GART: variants seen among roughly 807,000 people sequenced by gnomAD.
The protein encoded by GART is phosphoribosylglycinamide formyltransferase, phosphoribosylglycinamide synthetase, phosphoribosylaminoimidazole synthetase.
A neutral mutation model predicts 107.2 loss-of-function variants in GART; 43 were observed. That is an observed-to-expected ratio of 0.40 (90% CI 0.31 to 0.52). The LOEUF is 0.52. GART is among the 20% of genes least tolerant of loss of function. The pLI is 0.52. For missense variants in GART, 1,107 were observed against 1,206.5 expected, an observed-to-expected ratio of 0.92 and a Z score of 1.22; for synonymous variants, 434 against 427.0, an observed-to-expected ratio of 1.02 and a Z score of -0.20.
chr21:33,540,952 A>AG (rs1400019106), intron 1 of GART, among the ~76,000 whole-genome samples: 2 of 151,984 alleles, frequency 1.3e-5, no homozygotes, highest in Non-Finnish European at 2.9e-5. Flanking sequence ...CACAGGTAAG[A>AG]GGGGGTGGAG....
intron 10 of GART, 83 bp from the exon 11 acceptor site, chr21:33,525,083 T>C: frequency 6.9e-7 from 1 of 1,456,712 alleles, no homozygotes; most frequent in Non-Finnish European, 9.0e-7. Context: ...TCCACAAGTT[T>C]CTTTTTTTTT....
At chr21:33,514,795 C>T (rs2084847193) in intron 16 of GART, among the ~76,000 whole-genome samples, 1 of 152,202 alleles carries the variant, frequency 6.6e-6, no homozygotes, top group Non-Finnish European at 1.5e-5. Context: ...GAGACTCCCA[C>T]TCAGCCTAGC....
intron 9 of GART, 33 bp downstream of exon 9, chr21:33,528,486 T>C: frequency 6.4e-7 from 1 of 1,558,576 alleles, no homozygotes; most frequent in Middle Eastern, 1.7e-4. Context: ...CCACATATCT[T>C]CTACCAAGTA....
At chr21:33,526,881 T>A (rs2085084056) in intron 10 of GART, among the ~76,000 whole-genome samples, 1 of 152,222 alleles carries the variant, frequency 6.6e-6, no homozygotes, top group South Asian at 2.1e-4. Context: ...GTCTTCTTTT[T>A]CCGTCTCTAT....
chr21:33,507,310 T>C (rs900888285), intron 18 of GART, among the ~76,000 whole-genome samples: 2 of 152,100 alleles, frequency 1.3e-5, no homozygotes, highest in Non-Finnish European at 2.9e-5. Flanking sequence ...AAGACAAACC[T>C]CACATGTTCT....
intron 11 of GART, 169 bp downstream of exon 11, chr21:33,524,600 G>T: frequency 1.2e-6 from 1 of 826,724 alleles, no homozygotes; most frequent in Non-Finnish European, 1.6e-6. Context: ...TTTTCCATTT[G>T]AGTATTGCTA....
intron 14 of GART, chr21:33,518,948 G>T: frequency 2.3e-6 from 1 of 440,402 alleles, no homozygotes; most frequent in East Asian, 5.8e-5. Context: ...TTGTTAAAGT[G>T]GATCTCTGGT....
chr21:33,538,401 G>T (rs560785238), intron 2 of GART, among the ~76,000 whole-genome samples: 1 of 149,570 alleles, frequency 6.7e-6, no homozygotes, highest in Non-Finnish European at 1.5e-5. Context: ...GCTAATTTTT[G>T]TATTTTTTTT....
chr21:33,513,667 G>A (rs565909630), intron 16 of GART, among the ~76,000 whole-genome samples: 3 of 152,270 alleles, frequency 2.0e-5, no homozygotes, highest in Middle Eastern at 3.4e-3. Context: ...ATTCTTAATA[G>A]TTGACCTCAG....
chr21:33,511,354 C>G lies in GART; in HGVS notation c.2212G>C (p.Val738Leu), dbSNP rs1481538323. ...ARTFNCGVGA[V>L]LVVSKEQTEQ... is the part of the protein sequence containing the mutation. ...GTCTGCTCCTTTGATACCACAAGGA[C>G]AGCGCCAACCCCACAGTTAAATGTT... Residue 738 changes from valine (V) to leucine (L), a missense_variant, in exon 17 of 22, where the codon GTC becomes CTC. By Grantham distance (32) the Val-to-Leu change is conservative (BLOSUM62 1). Coordinates refer to ENST00000381815, the MANE Select transcript of GART (RefSeq NM_000819.5). 14 of 1,614,196 alleles carry G rather than the reference C, an allele frequency of 8.7e-6. No homozygotes were observed. In the East Asian group the frequency reaches 3.1e-4, roughly 36 times the overall value.
intron 3 of GART, 47 bp from the exon 4 acceptor site, chr21:33,534,800 G>T (rs755866460): frequency 1.4e-5 from 21 of 1,492,160 alleles, no homozygotes; most frequent in Middle Eastern, 4.3e-4. Flanking sequence ...TCTCCCCAGG[G>T]GCTTTTCAGC....
At chr21:33,504,969 T>C (rs1439482559) in intron 20 of GART, among the ~76,000 whole-genome samples, 4 of 152,346 alleles carry the variant, frequency 2.6e-5, no homozygotes, top group East Asian at 3.9e-4. Flanking sequence ...ACACCACAAG[T>C]GCTCTAACTA....
At chr21:33,508,173 C>A (rs1215741649) in intron 18 of GART, among the ~76,000 whole-genome samples, 2 of 152,002 alleles carry the variant, frequency 1.3e-5, no homozygotes, top group Non-Finnish European at 2.9e-5. Flanking sequence ...TGTAATTGCT[C>A]CCACAAATTC....
At chr21:33,531,913 A>G (rs2085199612) in intron 5 of GART, 1 of 259,024 alleles carries the variant, frequency 3.9e-6, no homozygotes, top group African/African-American at 2.2e-5. Context: ...ACTATACTAA[A>G]GCATGCTTGT....
chr21:33,506,359 G>A (rs912392494), intron 18 of GART, among the ~76,000 whole-genome samples: 5 of 152,036 alleles, frequency 3.3e-5, no homozygotes, highest in African/African-American at 2.4e-5. Flanking sequence ...GGCCAGGCTC[G>A]TCTGGAACTC....
intron 12 of GART, among the ~76,000 whole-genome samples, chr21:33,521,894 G>T (rs1335837957): frequency 2.7e-5 from 4 of 148,076 alleles, no homozygotes; most frequent in African/African-American, 1.0e-4. Context: ...AGGATGCAGA[G>T]GTTGCAGTGA....
chr21:33,520,977 C>T lies in GART; in HGVS notation c.1432G>A (p.Asp478Asn), dbSNP rs778067139. Residue 478 changes from aspartate to asparagine, a missense_variant, in exon 13 of 22, where the codon GAT (aspartate) becomes AAT (asparagine). Coordinates refer to ENST00000381815, the MANE Select transcript of GART (RefSeq NM_000819.5). The part of the protein sequence containing the change: ...VDLGGFAGLF[D>N]LKAAGFKDPL... ...TCTTTGAAACCAGCTGCTTTTAAAT[C>T]AAAAAGACCAGCAAAACCTCCAAGA... 9.3e-6 allele frequency: 15 copies of T among 1,613,816 alleles called. No individual in the cohort carries two copies. Among genetic ancestry groups the T allele is most frequent in the Non-Finnish European group, 1.3e-5 (15 of 1,179,950 alleles).
chr21:33,519,997 G>T (rs2084941476), intron 14 of GART, among the ~76,000 whole-genome samples: 1 of 152,026 alleles, frequency 6.6e-6, no homozygotes. Context: ...GGAATGCCAG[G>T]AACCCATCTG....
intron 21 of GART, 25 bp from the exon 22 acceptor site, chr21:33,504,340 A>T: frequency 6.2e-7 from 1 of 1,612,698 alleles, no homozygotes; most frequent in East Asian, 2.2e-5. Flanking sequence ...AAAAGTTTTG[A>T]ACATTACCTT....
Sources: allele counts gnomAD v4.1 joint callset (sites outside exome capture counted in the v4.1 genomes callset), GRCh38; gene constraint gnomAD v4.1.1; transcripts MANE v1.5; gene names NCBI Gene and HGNC (gene_info 2026-07-23, HGNC 2026-07-21).